The following ZNF420 variants were observed in gnomAD, a reference collection of about 807,000 sequenced individuals.
ZNF420 encodes zinc finger protein 420.
ZNF420 carries 31 observed loss-of-function variants against 44.7 expected under a neutral mutation model. That is an observed-to-expected ratio of 0.69 (90% CI 0.52 to 0.94). ZNF420 has a LOEUF of 0.94. Among genes scored for constraint, ZNF420 ranks in the 40% least tolerant of loss-of-function variants. The pLI is 0.00. For synonymous variants in ZNF420, 245 were observed against 267.4 expected, an observed-to-expected ratio of 0.92 and a Z score of 0.82; for missense variants, 681 against 827.9, an observed-to-expected ratio of 0.82 and a Z score of 2.18.
At chr19:37,025,013 T>C (rs986732518) in intron 1 of ZNF420, 1 of 217,962 alleles carries the variant, frequency 4.6e-6, no homozygotes. Context: ...CTTTAAGGCC[T>C]GAGTTGAGCC....
rs1490528004 is a variant in ZNF420 at position 37,128,961 on chromosome 19, A to G, written c.1970A>G (p.Gln657Arg). 1.2e-6 allele frequency: 2 copies of G among 1,614,158 alleles called. No homozygotes were observed. The change falls in exon 5 of 5, where the codon CAG becomes CGG. Residue 657 changes from glutamine (Q) to arginine (R), a missense_variant. Physicochemically the swap from Gln to Arg is conservative, Grantham distance 43. Transcript: ENST00000337995. ...GGGAAGGCCTTTACTCGTGGTTCAC[A>G]GCTAACTCAACATCAGAGAATTCAT... ...ECGKAFTRGS[Q>R]LTQHQRIHIS...
chr19:37,069,677 AT>A (rs1968023822), intron 1 of ZNF420, among the ~76,000 whole-genome samples: 1 of 152,150 alleles, frequency 6.6e-6, no homozygotes, highest in Admixed American at 6.5e-5. Flanking sequence ...TCGTATGGAT[AT>A]TTGAAATACG....
intron 1 of ZNF420, among the ~76,000 whole-genome samples, chr19:37,034,008 G>A (rs760289420): frequency 6.6e-5 from 10 of 151,750 alleles, no homozygotes; most frequent in East Asian, 3.9e-4. Context: ...GCCTGCCTCA[G>A]CATGCTAAAG....
intron 4 of ZNF420, among the ~76,000 whole-genome samples, chr19:37,118,322 C>A (rs1377370403): frequency 1.3e-5 from 2 of 152,190 alleles, no homozygotes; most frequent in African/African-American, 4.8e-5. Context: ...CAATATTCAA[C>A]ATTCTTAAAA....
chr19:37,068,058 A>G (rs1967998796), intron 1 of ZNF420, among the ~76,000 whole-genome samples: 2 of 152,162 alleles, frequency 1.3e-5, no homozygotes, highest in African/African-American at 2.4e-5. Flanking sequence ...TAACCAGATT[A>G]TACCACAAAG....
chr19:37,123,599 C>CTTTTTTTTTTTTTTTTTTTTTTTTTTTT (rs762782458), intron 4 of ZNF420, among the ~76,000 whole-genome samples: 1 of 80,358 alleles, frequency 1.2e-5, no homozygotes. Flanking sequence ...TTACTCTTGT[C>CTTTTTTTTTTTTTTTTTTTTTTTTTTTT]TTTTTTTTTT....
chr19:37,008,247 TGTGTGTGTGTA>T (rs1212910102), intron 1 of ZNF420, among the ~76,000 whole-genome samples: 2 of 151,776 alleles, frequency 1.3e-5, no homozygotes, highest in African/African-American at 4.8e-5. Context: ...ACCACTGCTG[TGTGTGTGTGTA>T]GTGTGTGTGT....
intron 4 of ZNF420, among the ~76,000 whole-genome samples, chr19:37,117,497 T>C (rs1295017965): frequency 6.6e-6 from 1 of 151,812 alleles, no homozygotes; most frequent in Non-Finnish European, 1.5e-5. Flanking sequence ...AGACCAAAAG[T>C]AGATAAAACC....
intron 1 of ZNF420, among the ~76,000 whole-genome samples, chr19:37,052,190 C>T (rs1166914859): frequency 2.7e-4 from 41 of 150,974 alleles, no homozygotes; most frequent in African/African-American, 9.1e-4. Flanking sequence ...GCAACCCCTG[C>T]CTTTTTTGTT....
intron 3 of ZNF420, among the ~76,000 whole-genome samples, chr19:37,090,500 C>A (rs956035824): frequency 6.6e-6 from 1 of 151,998 alleles, no homozygotes; most frequent in Non-Finnish European, 1.5e-5. Context: ...CAGAGCAAGA[C>A]CCTGTCTCCA....
intron 1 of ZNF420, among the ~76,000 whole-genome samples, chr19:37,050,036 C>T (rs1340888010): frequency 6.6e-6 from 1 of 152,086 alleles, no homozygotes; most frequent in African/African-American, 2.4e-5. Flanking sequence ...AGATATGCGG[C>T]ATTATTTCTG....
intron 1 of ZNF420, among the ~76,000 whole-genome samples, chr19:37,031,441 C>G (rs1291474212): frequency 1.3e-5 from 2 of 152,062 alleles, no homozygotes; most frequent in African/African-American, 4.8e-5. Context: ...ATACAGATAT[C>G]CACATTACCT....
At position 37,129,869 on chromosome 19, in the gene ZNF420, A is replaced by T. The variant is rs373729541; in HGVS notation, c.*811A>T. 3.0e-5 allele frequency: 28 copies of T among 932,256 alleles called. No homozygotes were observed. The highest frequency in any genetic ancestry group is 2.1e-4 in the Admixed American group (6 of 28,600). The allele number at this position is 932,256 out of a possible 1,614,324, so 57.7% of individuals were successfully genotyped here. A position where few individuals can be genotyped will look rare whatever the true frequency, so the allele number is the denominator to read the frequency against. ...AGATCCAAAGTCTAATAAATCTAGG[A>T]ATTTTTTAAAAACTTGAATGTATTG... On this transcript the variant is annotated 3_prime_UTR_variant, in exon 5 of 5. Transcript: ENST00000337995.
chr19:37,061,211 CT>C (rs1238644175), intron 1 of ZNF420, among the ~76,000 whole-genome samples: 2 of 152,232 alleles, frequency 1.3e-5, no homozygotes, highest in African/African-American at 2.4e-5. Context: ...TGTGGTCACA[CT>C]GGCTCTACTT....
intron 1 of ZNF420, among the ~76,000 whole-genome samples, chr19:37,019,462 C>A (rs574497703): frequency 5.9e-5 from 9 of 152,140 alleles, no homozygotes; most frequent in Non-Finnish European, 1.0e-4. Context: ...TGAAAAACAG[C>A]ATGGCAATTC....
intron 1 of ZNF420, among the ~76,000 whole-genome samples, chr19:37,053,095 A>C (rs1967669807): frequency 6.6e-6 from 1 of 151,798 alleles, no homozygotes; most frequent in Admixed American, 6.6e-5. Context: ...TTCTCTTCTC[A>C]CTTGATTTCA....
At chr19:37,021,447 A>G (rs1380917861) in intron 1 of ZNF420, among the ~76,000 whole-genome samples, 1 of 151,978 alleles carries the variant, frequency 6.6e-6, no homozygotes, top group Non-Finnish European at 1.5e-5. Flanking sequence ...TTGTATTTTT[A>G]GTAGAGATGG....
chr19:37,083,549 C>T (rs555417485), intron 2 of ZNF420, among the ~76,000 whole-genome samples: 3 of 152,206 alleles, frequency 2.0e-5, no homozygotes, highest in East Asian at 3.9e-4. Flanking sequence ...TGTTATGTTT[C>T]GATCTGTGAC....
intron 4 of ZNF420, among the ~76,000 whole-genome samples, chr19:37,097,000 G>C (rs1446144554): frequency 6.6e-6 from 1 of 151,466 alleles, no homozygotes; most frequent in African/African-American, 2.4e-5. Flanking sequence ...CCCAGTTCAA[G>C]GGATTCTCCT....
Sources: gnomAD v4.1 joint callset for allele counts (sites outside exome capture counted in the v4.1 genomes callset) on GRCh38, gnomAD v4.1.1 for gene constraint, MANE v1.5 for transcripts, NCBI Gene and HGNC (gene_info 2026-07-23, HGNC 2026-07-21) for gene names.